Variants in SCRG1 observed in about 807,000 individuals in gnomAD.
SCRG1 encodes stimulator of chondrogenesis 1.
A neutral mutation model predicts 7.7 loss-of-function variants in SCRG1; 3 were observed. The observed-to-expected ratio is 0.39, with a 90% confidence interval of 0.18 to 1.01. The LOEUF (loss-of-function observed/expected upper bound fraction) is 1.01. Among genes scored for constraint, SCRG1 ranks in the 50% least tolerant of loss-of-function variants. SCRG1 has a pLI of 0.36. For missense variants in SCRG1, 110 were observed against 117.2 expected, an observed-to-expected ratio of 0.94 and a Z score of 0.28; for synonymous variants, 46 against 41.2, an observed-to-expected ratio of 1.12 and a Z score of -0.44.
At chr4:173,483,829 A>G in the SCRG1 span, among the ~76,000 whole-genome samples, 8 of 23,276 alleles carry the variant, frequency 3.4e-4, 3 homozygotes, top group Non-Finnish European at 8.0e-4. Flanking sequence ...TATAATATAT[A>G]TAATATATAA....
At chr4:173,446,246 G>T in the SCRG1 span, among the ~76,000 whole-genome samples, 2 of 152,158 alleles carry the variant, frequency 1.3e-5, no homozygotes, top group Admixed American at 1.3e-4. Context: ...AACCATTTTT[G>T]TAATAATATA....
the SCRG1 span, among the ~76,000 whole-genome samples, chr4:173,484,786 T>C: frequency 1.1e-5 from 1 of 93,404 alleles, no homozygotes; most frequent in Non-Finnish European, 1.8e-5. Flanking sequence ...TATATACATG[T>C]AATACATATT....
the SCRG1 span, among the ~76,000 whole-genome samples, chr4:173,504,097 G>A: frequency 1.3e-5 from 2 of 152,254 alleles, no homozygotes; most frequent in South Asian, 2.1e-4. This position sits in a 1 kb window ranked among gnomAD's most constrained non-coding sequence, Gnocchi z 4.7. Flanking sequence ...CCTAAGAGGC[G>A]ACTGTGACCA....
chr4:173,434,994 A>G, the SCRG1 span, among the ~76,000 whole-genome samples: 2 of 152,236 alleles, frequency 1.3e-5, no homozygotes, highest in South Asian at 2.1e-4. Context: ...TAGGATTGGG[A>G]TCCTAGGAAT....
At chr4:173,493,604 A>G in the SCRG1 span, among the ~76,000 whole-genome samples, 98,001 of 145,852 alleles carry the variant, frequency 0.67, 33,423 homozygotes, top group Non-Finnish European at 0.73. Context: ...GTGACAGAGC[A>G]AGACTCAGTC....
At chr4:173,488,912 C>T in the SCRG1 span, among the ~76,000 whole-genome samples, 1 of 152,258 alleles carries the variant, frequency 6.6e-6, no homozygotes, top group African/African-American at 2.4e-5. Context: ...AGTTTGAAAA[C>T]AATGCATGAA....
upstream of SCRG1, among the ~76,000 whole-genome samples, chr4:173,402,658 T>C (rs953543972): frequency 6.6e-6 from 1 of 152,166 alleles, no homozygotes. Flanking sequence ...GCATTCACCC[T>C]AATTTAGAAT....
the SCRG1 span, among the ~76,000 whole-genome samples, chr4:173,445,676 T>C: frequency 1.3e-5 from 2 of 151,696 alleles, no homozygotes; most frequent in Admixed American, 6.6e-5. Context: ...GATATTTTTT[T>C]TTTTTTTGAG....
At chr4:173,484,142 G>A in the SCRG1 span, among the ~76,000 whole-genome samples, 3 of 87,714 alleles carry the variant, frequency 3.4e-5, no homozygotes, top group Non-Finnish European at 5.7e-5. Context: ...ATATAATATA[G>A]AATATAGAAT....
chr4:173,395,957 A>C (rs1739590621), intron 1 of SCRG1, among the ~76,000 whole-genome samples: 1 of 152,226 alleles, frequency 6.6e-6, no homozygotes, highest in Non-Finnish European at 1.5e-5. Context: ...GAAGATTTTG[A>C]CAGAACAGTA....
the SCRG1 span, among the ~76,000 whole-genome samples, chr4:173,462,179 T>G: frequency 0.59 from 90,259 of 152,006 alleles, 29,381 homozygotes; most frequent in Non-Finnish European, 0.74. Context: ...CCTATAGAAA[T>G]ATATCAATAT....
chr4:173,496,795 A>C, the SCRG1 span, among the ~76,000 whole-genome samples: 3 of 152,212 alleles, frequency 2.0e-5, no homozygotes, highest in South Asian at 6.2e-4. Context: ...CCAAAACAGG[A>C]CCCTGATGAT....
chr4:173,393,539 G>A (rs1230392573), intron 1 of SCRG1, among the ~76,000 whole-genome samples: 2 of 152,112 alleles, frequency 1.3e-5, no homozygotes, highest in African/African-American at 2.4e-5. Context: ...GACCTAATAT[G>A]TGATCTATCA....
At chr4:173,409,527 G>A (rs1739993156), upstream of SCRG1, among the ~76,000 whole-genome samples, 1 of 151,566 alleles carries the variant, frequency 6.6e-6, no homozygotes, top group African/African-American at 2.4e-5. Flanking sequence ...TGAAGCTGGA[G>A]AAGCAGCAAG....
Position 173,391,354 on chromosome 4 carries a change from T to C in SCRG1, c.61A>G (p.Met21Val), listed in dbSNP as rs766635373. 3 of 1,614,220 alleles carry C rather than the reference T, an allele frequency of 1.9e-6. No homozygotes were observed. Among genetic ancestry groups the C allele is most frequent in the Non-Finnish European group, 2.5e-6 (3 of 1,180,032 alleles). ...TAGCAAGAGAGGCGATTTGCAGGCA[T>C]GGCTTGAACTCCTAGCAGCAAAGTT... ...GLTLLLGVQA[M>V]PANRLSCYRK... Residue 21 changes from methionine (M) to valine (V), a missense_variant, in exon 2 of 3, where the codon ATG becomes GTG. Met to Val is a conservative substitution (Grantham distance 21). Transcript: ENST00000296506.
At chr4:173,396,720 G>GTGTGTGTA (rs1454619848) in intron 1 of SCRG1, among the ~76,000 whole-genome samples, 1 of 126,140 alleles carries the variant, frequency 7.9e-6, no homozygotes, top group Non-Finnish European at 1.7e-5. Flanking sequence ...TTTTGTGTGT[G>GTGTGTGTA]TGTGTGTGTG....
At chr4:173,445,117 T>C in the SCRG1 span, among the ~76,000 whole-genome samples, 391 of 151,522 alleles carry the variant, frequency 2.6e-3, 1 homozygote, top group African/African-American at 9.0e-3. Flanking sequence ...AAAAAAGCCA[T>C]GTCAAATCAG....
At chr4:173,485,415 A>C in the SCRG1 span, among the ~76,000 whole-genome samples, 1 of 147,720 alleles carries the variant, frequency 6.8e-6, no homozygotes, top group Non-Finnish European at 1.5e-5. Flanking sequence ...AACATGACTG[A>C]GGCTATCTGG....
the SCRG1 span, among the ~76,000 whole-genome samples, chr4:173,488,630 TG>T: frequency 1.8e-4 from 28 of 152,204 alleles, no homozygotes; most frequent in Non-Finnish European, 3.1e-4. Context: ...AACTTGTTCA[TG>T]TTGAAACACT....
Sources: gnomAD v4.1 joint callset for allele counts (sites outside exome capture counted in the v4.1 genomes callset) on GRCh38, gnomAD v4.1.1 for gene constraint, Gnocchi (gnomAD v3.1) non-coding constraint, MANE v1.5 for transcripts, NCBI Gene and HGNC (gene_info 2026-07-23, HGNC 2026-07-21) for gene names.